The following RNF170 variants were observed in gnomAD, a reference collection of about 807,000 sequenced individuals.
RNF170 encodes E3 ubiquitin-protein ligase RNF170.
In RNF170, 12 loss-of-function variants were observed where a neutral mutation model predicts 32.7. The observed-to-expected ratio is 0.37, with a 90% CI of 0.24 to 0.60. RNF170 has a LOEUF of 0.60. Among genes scored for constraint, RNF170 ranks in the 20% least tolerant of loss-of-function variants. The pLI is 0.72. For synonymous variants in RNF170, 91 were observed against 103.6 expected (o/e 0.88, Z 0.74); for missense variants, 212 against 311.2 (o/e 0.68, Z 2.40).
At chr8:42,888,460 A>T (rs905151542) in intron 1 of RNF170, among the ~76,000 whole-genome samples, 3 of 144,376 alleles carry the variant, frequency 2.1e-5, no homozygotes, top group Admixed American at 7.0e-5. Flanking sequence ...TAACCCCTTT[A>T]AAAAAAAAAA....
intron 2 of RNF170, among the ~76,000 whole-genome samples, chr8:42,880,630 C>T (rs1805317869): frequency 2.0e-5 from 3 of 152,096 alleles, no homozygotes. Flanking sequence ...ATTAGCTGGG[C>T]ATGGTGGTGC....
chr8:42,850,772 C>CT (rs1366304736), downstream of RNF170: 13 of 1,551,548 alleles, frequency 8.4e-6, no homozygotes, highest in East Asian at 2.0e-4. Flanking sequence ...TTTGGGTAGT[C>CT]TGAGTGAGGA....
downstream of RNF170, among the ~76,000 whole-genome samples, chr8:42,851,712 T>C (rs1802947786): frequency 6.6e-6 from 1 of 151,500 alleles, no homozygotes; most frequent in Non-Finnish European, 1.5e-5. Context: ...CCCACAAGGC[T>C]CACCACAGCC....
At chr8:42,870,572 GA>G (rs1360271270) in intron 3 of RNF170, among the ~76,000 whole-genome samples, 1 of 151,846 alleles carries the variant, frequency 6.6e-6, no homozygotes, top group Non-Finnish European at 1.5e-5. Flanking sequence ...ACAAAAAATA[GA>G]AAAATTAGCC....
chr8:42,851,600 A>G (rs1436216316), downstream of RNF170, among the ~76,000 whole-genome samples: 1 of 151,828 alleles, frequency 6.6e-6, no homozygotes, highest in Non-Finnish European at 1.5e-5. Flanking sequence ...AGAAAGAACA[A>G]GAGAAGGATT....
chr8:42,897,224 TCCCCCCG>T, upstream of RNF170: 1 of 1,208,048 alleles, frequency 8.3e-7, no homozygotes, highest in Non-Finnish European at 1.0e-6. Context: ...GAAGACCCCC[TCCCCCCG>T]CCACCTACCG....
chr8:42,889,792 C>A (rs1424365816), intron 1 of RNF170, among the ~76,000 whole-genome samples: 2 of 152,180 alleles, frequency 1.3e-5, no homozygotes, highest in South Asian at 4.1e-4. Flanking sequence ...GAGCTGCCAA[C>A]TGAACTGAAG....
At chr8:42,863,453 AT>A (rs1031126803) in intron 5 of RNF170, among the ~76,000 whole-genome samples, 6 of 151,320 alleles carry the variant, frequency 4.0e-5, no homozygotes, top group Admixed American at 1.3e-4. Context: ...TAAAAAAAAA[AT>A]TTTTTTTTGA....
intron 5 of RNF170, among the ~76,000 whole-genome samples, chr8:42,862,624 C>T (rs1400738917): frequency 4.6e-5 from 7 of 152,156 alleles, no homozygotes; most frequent in Non-Finnish European, 1.5e-5. Flanking sequence ...TTTTGTCCTT[C>T]CTCAGTTCAG....
chr8:42,895,324 CA>C (rs1463008364), intron 1 of RNF170, among the ~76,000 whole-genome samples: 9 of 151,938 alleles, frequency 5.9e-5, no homozygotes, highest in Non-Finnish European at 1.2e-4. Context: ...TCAACAACAA[CA>C]AAAAACCCCA....
rs756895561 is a variant in RNF170, at chr8:42,896,535, T to C, written c.-59A>G. 2.2e-6 allele frequency: 1 copy of C among 453,778 alleles called. No individual in the cohort carries two copies. The highest frequency in any genetic ancestry group is 1.6e-5 in the South Asian group (1 of 64,462). The allele number at this position is 453,778 out of a possible 1,614,324, so 28.1% of individuals were successfully genotyped here. A position where few individuals can be genotyped will look rare whatever the true frequency, so the allele number is the denominator to read the frequency against. ...CCAGTTCCCGGCGACAGAGGACAGATTATTTCCAGGACCGCTCCCGCCACC... is the reference window on the plus strand; with the variant it reads ...CCAGTTCCCGGCGACAGAGGACAGACTATTTCCAGGACCGCTCCCGCCACC... On this transcript the variant is annotated 5_prime_UTR_variant, in exon 1 of 7. Coordinates refer to ENST00000527424, the MANE Select transcript of RNF170 (RefSeq NM_030954.4).
At chr8:42,891,217 G>A (rs1356794559) in intron 1 of RNF170, among the ~76,000 whole-genome samples, 2 of 152,110 alleles carry the variant, frequency 1.3e-5, no homozygotes, top group African/African-American at 4.8e-5. Context: ...AAATTCAAAC[G>A]TTTTTAGAAC....
intron 2 of RNF170, among the ~76,000 whole-genome samples, chr8:42,879,604 T>A (rs140472500): frequency 0.028 from 4,306 of 151,976 alleles, 87 homozygotes; most frequent in African/African-American, 0.05. Flanking sequence ...TGAGCCAAGA[T>A]CATGCTACTG....
In RNF170 at chr8:42,854,928, T is replaced by C. The variant is rs1304851553; in HGVS notation, c.*1231A>G. ...CCATCCTGAGACAGTATTATAAAAA[T>C]TTCTGACAACAGAAAACTAACAAAA... On this transcript the variant is annotated 3_prime_UTR_variant, in exon 7 of 7. Transcript: ENST00000527424. 1.6e-6 allele frequency: 2 copies of C among 1,287,216 alleles called. No homozygotes were observed. The highest frequency in any genetic ancestry group is 1.1e-4 in the East Asian group (2 of 18,032). The allele number at this position is 1,287,216 out of a possible 1,614,324, so 79.7% of individuals were successfully genotyped here.
At chr8:42,850,468 A>C (rs2128920216), downstream of RNF170, 3 of 363,548 alleles carry the variant, frequency 8.3e-6, no homozygotes, top group South Asian at 5.0e-5. Flanking sequence ...GTAAGAAGTG[A>C]TCTTTCCTTG....
At position 42,887,857 on chromosome 8, in the gene RNF170, T is replaced by G; in HGVS notation, c.8A>C (p.Lys3Thr). 6.2e-7 allele frequency: 1 copy of G among 1,613,890 alleles called. No individual in the cohort carries two copies. The highest frequency in any genetic ancestry group is 8.5e-7 in the Non-Finnish European group (1 of 1,179,792). Residue 3 changes from lysine to threonine, a missense_variant, in exon 2 of 7, where the codon AAA becomes ACA. By Grantham distance (78) the Lys-to-Thr change is moderately conservative. This residue lies in a region of RNF170 where 115 missense variants were observed against 132.3 expected (regional missense o/e 0.87). Transcript: ENST00000527424. MA[K>T]YQGEVQSLKL... Reference sequence around the variant, plus strand: ...CAAACTTTGAACTTCACCTTGATATTTGGCCATTCCAGGTCTAAAATAAGA... The same window carrying G: ...CAAACTTTGAACTTCACCTTGATATGTGGCCATTCCAGGTCTAAAATAAGA...
At chr8:42,877,661 T>G (rs1056972894) in intron 2 of RNF170, among the ~76,000 whole-genome samples, 1 of 152,174 alleles carries the variant, frequency 6.6e-6, no homozygotes. Flanking sequence ...ACTTAAGAGT[T>G]AAAACTATAC....
At position 42,861,655 on chromosome 8, in the gene RNF170, A is replaced by G. The variant is rs572897311; in HGVS notation, c.507+90T>C. On this transcript the variant is annotated intron_variant, in intron 6 of 6. Coordinates refer to ENST00000527424, the MANE Select transcript of RNF170 (RefSeq NM_030954.4). ...ACTGTGCCTGGCCAAGATTTCTCATAGTCAAAGAATACTTGTTGGTAAACC... is the reference window on the plus strand; with the variant it reads ...ACTGTGCCTGGCCAAGATTTCTCATGGTCAAAGAATACTTGTTGGTAAACC... 5.6e-4 allele frequency: 607 copies of G among 1,080,884 alleles called. 4 individuals are homozygous for G. The highest frequency in any genetic ancestry group is 3.1e-3 in the South Asian group (241 of 76,786). 67.0% of individuals were successfully genotyped at this position (1,080,884 alleles called of 1,614,324 possible).
At chr8:42,850,508 T>A (rs1410448533), downstream of RNF170, 3 of 436,008 alleles carry the variant, frequency 6.9e-6, no homozygotes, top group African/African-American at 6.0e-5. Flanking sequence ...TTTCCCTTGC[T>A]TTATTTATTA....
Sources: gnomAD v4.1 joint callset for allele counts (sites outside exome capture counted in the v4.1 genomes callset) on GRCh38, gnomAD v4.1.1 for gene constraint, gnomAD v4.1.1 regional missense constraint, MANE v1.5 for transcripts, NCBI Gene and HGNC (gene_info 2026-07-23, HGNC 2026-07-21) for gene names.